CDH12: variants seen among roughly 807,000 people sequenced by gnomAD.
CDH12 encodes cadherin-12.
Under a neutral mutation model 74.1 loss-of-function variants are expected in CDH12, and 41 were observed. The ratio of observed to expected loss-of-function variants is 0.55; its 90% confidence interval spans 0.43 to 0.72. CDH12 has a LOEUF of 0.72. Ranked by LOEUF, CDH12 falls within the 30% of genes least tolerant of loss-of-function variation. The pLI is 0.00. For synonymous variants in CDH12, 399 were observed against 355.0 expected, an observed-to-expected ratio of 1.12 and a Z score of -1.39; for missense variants, 945 against 977.2, an observed-to-expected ratio of 0.97 and a Z score of 0.44.
At chr5:22,652,308 A>T (rs1342533589) in intron 1 of CDH12, among the ~76,000 whole-genome samples, 6 of 152,122 alleles carry the variant, frequency 3.9e-5, no homozygotes, top group Non-Finnish European at 8.8e-5. Flanking sequence ...GGGTTTCCAG[A>T]GTTAAAATTA....
intron 4 of CDH12, among the ~76,000 whole-genome samples, chr5:22,094,496 G>T (rs539105827): frequency 1.3e-5 from 2 of 152,172 alleles, no homozygotes; most frequent in Admixed American, 6.5e-5. Flanking sequence ...ATGTGTACAA[G>T]GGAGAAGGTA....
chr5:21,831,266 G>A (rs1053738533), intron 8 of CDH12, among the ~76,000 whole-genome samples: 1 of 152,076 alleles, frequency 6.6e-6, no homozygotes, highest in South Asian at 2.1e-4. Flanking sequence ...TAGCTCTAAT[G>A]TGCTATCCAC....
intron 1 of CDH12, among the ~76,000 whole-genome samples, chr5:22,618,152 G>A (rs1300168707): frequency 6.6e-6 from 1 of 151,998 alleles, no homozygotes; most frequent in Non-Finnish European, 1.5e-5. Context: ...TTAGTTTGCA[G>A]ATGTCAAAAT....
intron 1 of CDH12, among the ~76,000 whole-genome samples, chr5:22,813,951 AT>A (rs1277531145): frequency 1.3e-5 from 2 of 152,102 alleles, no homozygotes; most frequent in African/African-American, 4.8e-5. Context: ...ATAACTTTGT[AT>A]TTTTTTAACA....
chr5:22,440,753 C>T (rs888885273), intron 2 of CDH12, among the ~76,000 whole-genome samples: 10 of 152,116 alleles, frequency 6.6e-5, no homozygotes, highest in African/African-American at 2.2e-4. Flanking sequence ...TCTTCTGCCT[C>T]TCTCTTGTTA....
At chr5:22,679,040 A>G (rs1375832576) in intron 1 of CDH12, among the ~76,000 whole-genome samples, 3 of 152,130 alleles carry the variant, frequency 2.0e-5, no homozygotes, top group Non-Finnish European at 4.4e-5. Flanking sequence ...CGTTCAGACA[A>G]GGCATATGCA....
chr5:22,402,693 T>A (rs1480131532), intron 3 of CDH12, among the ~76,000 whole-genome samples: 2 of 152,150 alleles, frequency 1.3e-5, no homozygotes, highest in Non-Finnish European at 2.9e-5. Context: ...GAATTAGGAA[T>A]TTCACTGTTG....
intron 5 of CDH12, among the ~76,000 whole-genome samples, chr5:21,998,740 G>A (rs1471519452): frequency 4.6e-5 from 7 of 152,108 alleles, no homozygotes; most frequent in East Asian, 1.9e-4. Flanking sequence ...GTGTCTTCTC[G>A]TGTGTCATTT....
intron 1 of CDH12, among the ~76,000 whole-genome samples, chr5:22,570,810 C>T (rs762963769): frequency 4.7e-4 from 70 of 149,284 alleles, no homozygotes; most frequent in Non-Finnish European, 8.1e-4. Context: ...CTATGAAAAT[C>T]CTAGGTGACA....
chr5:21,816,960 G>T lies in CDH12; in HGVS notation c.987C>A (p.Val329=), dbSNP rs1188954630. 1 of 1,598,756 alleles carries T rather than the reference G, an allele frequency of 6.3e-7. No homozygotes were observed. The highest frequency in any genetic ancestry group is 8.5e-7 in the Non-Finnish European group (1 of 1,172,736). ...IVTDEDTQEG[V]IKLKKPLDFE... The stretch of plus-strand genomic sequence containing the variant: ...GTCTATATACCTTTTTCAATTTGAT[G>T]ACTCCCTCTTGTGTATCCTCATCTG... The change falls in exon 9 of 15, where the codon GTC becomes GTA. Residue 329 remains valine (V), a synonymous_variant. Transcript: ENST00000382254.
intron 5 of CDH12, among the ~76,000 whole-genome samples, chr5:21,998,942 C>T (rs1736448851): frequency 6.6e-6 from 1 of 152,068 alleles, no homozygotes. Flanking sequence ...TTTTAAAACA[C>T]AATACAGAGA....
intron 5 of CDH12, among the ~76,000 whole-genome samples, chr5:22,056,916 T>C (rs1740782746): frequency 6.6e-6 from 1 of 152,186 alleles, no homozygotes; most frequent in African/African-American, 2.4e-5. Context: ...GTTATTTTTT[T>C]TTAGAGGACC....
rs192119106 is a variant in CDH12, at chr5:21,772,193, A to G, written c.1394-7094T>C. Among the ~76,000 whole-genome samples, 3 of 152,286 alleles carry G rather than the reference A, an allele frequency of 2.0e-5. No individual in the cohort carries two copies. The East Asian group carries it at 5.8e-4, about 29-fold the overall frequency. ...ATTTTCAAAAGTACCGGTAAGATCAAGTTCTGTCTTTGATTATATCTCCTC... is the reference window on the plus strand; with the variant it reads ...ATTTTCAAAAGTACCGGTAAGATCAGGTTCTGTCTTTGATTATATCTCCTC... On this transcript the variant is annotated intron_variant, in intron 11 of 14. Coordinates refer to ENST00000382254, the MANE Select transcript of CDH12 (RefSeq NM_004061.5).
chr5:22,643,161 T>G (rs1739238808), intron 1 of CDH12, among the ~76,000 whole-genome samples: 1 of 152,198 alleles, frequency 6.6e-6, no homozygotes, highest in Admixed American at 6.5e-5. Flanking sequence ...TTAATAACAT[T>G]AAGGCTTCGT....
chr5:22,240,551 A>G (rs1488422306), intron 3 of CDH12, among the ~76,000 whole-genome samples: 1 of 152,154 alleles, frequency 6.6e-6, no homozygotes, highest in African/African-American at 2.4e-5. Flanking sequence ...TTACTTATTT[A>G]GAGACAGAAT....
At chr5:22,076,451 C>T (rs906021288) in intron 5 of CDH12, among the ~76,000 whole-genome samples, 5 of 152,084 alleles carry the variant, frequency 3.3e-5, no homozygotes, top group Admixed American at 6.6e-5. Context: ...TGAGGTCTAT[C>T]GATCTTCTCT....
intron 4 of CDH12, among the ~76,000 whole-genome samples, chr5:22,203,937 C>T (rs1237118438): frequency 6.6e-6 from 1 of 152,010 alleles, no homozygotes; most frequent in Non-Finnish European, 1.5e-5. Context: ...AACTCAAACA[C>T]ACAGGTTTAG....
At chr5:22,531,860 C>A (rs1374466620) in intron 1 of CDH12, among the ~76,000 whole-genome samples, 1 of 152,076 alleles carries the variant, frequency 6.6e-6, no homozygotes, top group Non-Finnish European at 1.5e-5. Flanking sequence ...ATTTCCTGCA[C>A]AGCCAGAAAG....
intron 5 of CDH12, among the ~76,000 whole-genome samples, chr5:22,060,912 G>T (rs191112630): frequency 1.3e-4 from 20 of 152,170 alleles, no homozygotes; most frequent in African/African-American, 4.8e-4. Context: ...AATCCATTAG[G>T]CCTATCTATC....
Sources: allele counts gnomAD v4.1 joint callset (sites outside exome capture counted in the v4.1 genomes callset), GRCh38; gene constraint gnomAD v4.1.1; transcripts MANE v1.5; gene names NCBI Gene and HGNC (gene_info 2026-07-23, HGNC 2026-07-21).